The following PCDHGA5 variants were observed in gnomAD, a reference collection of about 807,000 sequenced individuals.
PCDHGA5 encodes the protein protocadherin gamma-A5.
A neutral mutation model predicts 56.7 loss-of-function variants in PCDHGA5; 36 were observed. That is an observed-to-expected ratio of 0.64 (90% CI 0.49 to 0.84). The LOEUF (loss-of-function observed/expected upper bound fraction) is 0.84, where lower values mean the gene tolerates loss of function less well. PCDHGA5 is among the 40% of genes least tolerant of loss of function. The pLI, the probability that PCDHGA5 is intolerant of heterozygous loss-of-function variation, is 0.00. For missense variants in PCDHGA5, 1,305 were observed against 1,201.5 expected, an observed-to-expected ratio of 1.09 and a Z score of -1.27; for synonymous variants, 563 against 520.2, an observed-to-expected ratio of 1.08 and a Z score of -1.12.
chr5:141,399,998 C>T (rs753846360), intron 1 of PCDHGA5: 37 of 1,612,212 alleles, frequency 2.3e-5, no homozygotes, highest in Non-Finnish European at 2.7e-5. Context: ...GAGGTGCGCA[C>T]AGCGCGTGCC....
intron 1 of PCDHGA5, chr5:141,392,075 TG>T (rs2092461871): frequency 6.6e-6 from 1 of 152,236 alleles, no homozygotes. Context: ...GTAATTCAAG[TG>T]GCATTTAGAA....
chr5:141,427,805 A>G lies in PCDHGA5; in HGVS notation c.2421+61054A>G, dbSNP rs1010656936. The G allele has an allele frequency of 3.3e-6, 5 of 1,520,154 alleles. No homozygotes were observed. In the African/African-American group the frequency reaches 4.1e-5, roughly 12 times the overall value. 94.2% of individuals were successfully genotyped at this position (1,520,154 alleles called of 1,614,324 possible). ...TGTCGTCCTACGTGTCCGTGAGCGC[A>G]CAGAGCGGGGTGGTGGTCGCGCAGC... On this transcript the variant is annotated intron_variant, in intron 1 of 3. Coordinates refer to ENST00000518069, the MANE Select transcript of PCDHGA5 (RefSeq NM_018918.3).
chr5:141,375,581 C>T, intron 1 of PCDHGA5: 1 of 1,614,174 alleles, frequency 6.2e-7, no homozygotes, highest in Non-Finnish European at 8.5e-7. Context: ...CCAGGGGGCG[C>T]CCCTGTCCTC....
intron 2 of PCDHGA5, among the ~76,000 whole-genome samples, chr5:141,496,538 T>G (rs568286018): frequency 1.5e-4 from 23 of 152,266 alleles, no homozygotes; most frequent in African/African-American, 5.5e-4. Flanking sequence ...TGGCAGAGAT[T>G]CCAGCTTCTG....
chr5:141,429,698 A>G (rs1436698608), intron 1 of PCDHGA5, among the ~76,000 whole-genome samples: 2 of 152,228 alleles, frequency 1.3e-5, no homozygotes, highest in Admixed American at 6.5e-5. Flanking sequence ...ATATCTTTAC[A>G]GTATAAATAT....
intron 1 of PCDHGA5, chr5:141,419,384 G>T (rs1383174444): frequency 1.2e-6 from 2 of 1,613,554 alleles, no homozygotes; most frequent in East Asian, 2.2e-5. Flanking sequence ...GTCCGTGAGC[G>T]CGCAGAGCGG....
chr5:141,366,006 C>A lies in PCDHGA5; in HGVS notation c.1676C>A (p.Thr559Lys), dbSNP rs760966863. The A allele has an allele frequency of 4.3e-6, 7 of 1,614,122 alleles. No homozygotes were observed. The highest frequency in any genetic ancestry group is 5.9e-6 in the Non-Finnish European group (7 of 1,180,046). The change falls in exon 1 of 4, where the codon ACG becomes AAG. Residue 559 changes from threonine to lysine, a missense_variant. Physicochemically the swap from Thr to Lys is moderately conservative, Grantham distance 78 (BLOSUM62 -1). Transcript: ENST00000518069. Reference protein sequence around the residue: ...SLFVLDQNDNTPEILYPALPT... With the variant: ...SLFVLDQNDNKPEILYPALPT... Reference sequence around the variant, plus strand: ...TTTGTGCTGGACCAGAACGACAATACGCCTGAGATCCTGTACCCCGCCCTC... The same window carrying A: ...TTTGTGCTGGACCAGAACGACAATAAGCCTGAGATCCTGTACCCCGCCCTC...
At chr5:141,427,509 G>T in intron 1 of PCDHGA5, 1 of 588,640 alleles carries the variant, frequency 1.7e-6, no homozygotes, top group Non-Finnish European at 3.2e-6. Flanking sequence ...TGGGACCCTG[G>T]ATTGGGAGCG....
intron 1 of PCDHGA5, among the ~76,000 whole-genome samples, chr5:141,457,863 C>A (rs2098930968): frequency 6.6e-6 from 1 of 152,194 alleles, no homozygotes; most frequent in Non-Finnish European, 1.5e-5. Flanking sequence ...TCTTCACTGA[C>A]CACAGGTTAG....
Position 141,476,162 on chromosome 5 carries a change from G to A in PCDHGA5, c.2422-18645G>A. 6.2e-7 allele frequency: 1 copy of A among 1,613,038 alleles called. No homozygotes were observed. Among genetic ancestry groups the A allele is most frequent in the South Asian group, 1.1e-5 (1 of 91,040 alleles). Reference sequence around the variant, plus strand: ...GAGCGGACTGGTAAGCACCGGGAGGGTAGTGGGAGTTTTGCTTCTGCTTGG... The same window carrying A: ...GAGCGGACTGGTAAGCACCGGGAGGATAGTGGGAGTTTTGCTTCTGCTTGG... On this transcript the variant is annotated intron_variant, in intron 1 of 3. Coordinates refer to ENST00000518069, the MANE Select transcript of PCDHGA5 (RefSeq NM_018918.3). The surrounding 1 kb of genome is among the most constrained non-coding windows in gnomAD (Gnocchi z 7.6).
chr5:141,382,985 G>A (rs769787880), intron 1 of PCDHGA5: 50 of 1,613,304 alleles, frequency 3.1e-5, no homozygotes, highest in Non-Finnish European at 4.2e-5. Flanking sequence ...GCCTGGGCAG[G>A]ACGTATTCTC....
At chr5:141,423,294 C>T (rs1222440954) in intron 1 of PCDHGA5, 22 of 1,614,036 alleles carry the variant, frequency 1.4e-5, no homozygotes, top group Admixed American at 1.3e-4. Flanking sequence ...AAACCTCAGA[C>T]CTCTCGCTGT....
At chr5:141,444,834 A>G (rs892892307) in intron 1 of PCDHGA5, among the ~76,000 whole-genome samples, 1 of 152,132 alleles carries the variant, frequency 6.6e-6, no homozygotes, top group African/African-American at 2.4e-5. Context: ...TTGTAGCTTT[A>G]TAGTAAGTCT....
chr5:141,408,174 C>T, intron 1 of PCDHGA5: 3 of 1,531,244 alleles, frequency 2.0e-6, no homozygotes, highest in Non-Finnish European at 1.8e-6. Flanking sequence ...ACTGGAAAAG[C>T]GGGGACCCAG....
At chr5:141,505,123 C>T (rs1320836386) in intron 2 of PCDHGA5, among the ~76,000 whole-genome samples, 1 of 152,192 alleles carries the variant, frequency 6.6e-6, no homozygotes, top group African/African-American at 2.4e-5. Flanking sequence ...GATCGCGCCA[C>T]TGCACTCCAG....
chr5:141,472,980 C>CAAAAAAAAAAAAAAAAAAGAAAAAAA (rs60579131), intron 1 of PCDHGA5, among the ~76,000 whole-genome samples: 1 of 86,106 alleles, frequency 1.2e-5, no homozygotes, highest in South Asian at 4.3e-4. Flanking sequence ...GAGTGAAACT[C>CAAAAAAAAAAAAAAAAAAGAAAAAAA]AAAAAAAAAA....
intron 1 of PCDHGA5, among the ~76,000 whole-genome samples, chr5:141,380,906 G>A (rs528730354): frequency 1.3e-3 from 196 of 152,328 alleles, no homozygotes; most frequent in Non-Finnish European, 2.0e-3. Flanking sequence ...ATCTACAAGT[G>A]CTTACATTGT....
chr5:141,415,499 C>G (rs2095876120), intron 1 of PCDHGA5: 1 of 1,614,098 alleles, frequency 6.2e-7, no homozygotes, highest in Non-Finnish European at 8.5e-7. Context: ...CTGATCTTCC[C>G]CCAGCCCAAT....
At position 141,400,132 on chromosome 5, in the gene PCDHGA5, C is replaced by T. The variant is rs762060556; in HGVS notation, c.2421+33381C>T. 6.3e-5 allele frequency: 101 copies of T among 1,613,964 alleles called. No individual in the cohort carries two copies. The highest frequency in any genetic ancestry group is 8.4e-5 in the Non-Finnish European group (99 of 1,179,904). On this transcript the variant is annotated intron_variant, in intron 1 of 3. Coordinates refer to ENST00000518069, the MANE Select transcript of PCDHGA5 (RefSeq NM_018918.3). ...TGCTGACAGCTTGCAGGAGGTGCTG[C>T]CGGATATCACTGACCGCCCTGTACC...
Sources: allele counts gnomAD v4.1 joint callset (sites outside exome capture counted in the v4.1 genomes callset), GRCh38; gene constraint gnomAD v4.1.1; non-coding constraint Gnocchi (gnomAD v3.1); transcripts MANE v1.5; gene names NCBI Gene and HGNC (gene_info 2026-07-23, HGNC 2026-07-21).